Variants in TSC22D2 observed in about 807,000 individuals in gnomAD.
The protein encoded by TSC22D2 is TSC22 domain family protein 2.
A neutral mutation model predicts 50.1 loss-of-function variants in TSC22D2; 5 were observed. That is an observed-to-expected ratio of 0.10 (90% confidence interval 0.05 to 0.21). The LOEUF (loss-of-function observed/expected upper bound fraction) is 0.21. TSC22D2 is among the 10% of genes least tolerant of loss of function. TSC22D2 has a pLI of 1.00. For missense variants in TSC22D2, 1,003 were observed against 1,015.5 expected, an observed-to-expected ratio of 0.99 and a Z score of 0.17; for synonymous variants, 501 against 450.1, an observed-to-expected ratio of 1.11 and a Z score of -1.43.
intron 1 of TSC22D2, among the ~76,000 whole-genome samples, chr3:150,434,384 C>T (rs1417436532): frequency 1.3e-5 from 2 of 152,090 alleles, no homozygotes; most frequent in East Asian, 1.9e-4. Flanking sequence ...TCAAGTGATC[C>T]ACCCTGCCCT....
intron 1 of TSC22D2, among the ~76,000 whole-genome samples, chr3:150,441,312 A>G (rs972780335): frequency 6.6e-6 from 1 of 152,196 alleles, no homozygotes; most frequent in African/African-American, 2.4e-5. Flanking sequence ...AGTTAAAACT[A>G]AAGCTAATAC....
rs59588626 is a variant in TSC22D2 at position 150,462,639 on chromosome 3, C to CTTTTTTTTTTTTTTTT, written c.*4018_*4019insTTTTTTTTTTTTTTTT. 1 of 133,110 alleles carries CTTTTTTTTTTTTTTTT rather than the reference C, an allele frequency of 7.5e-6. No homozygotes were observed. Among genetic ancestry groups the CTTTTTTTTTTTTTTTT allele is most frequent in the Non-Finnish European group, 1.6e-5 (1 of 64,030 alleles). 8.2% of individuals were successfully genotyped at this position (133,110 alleles called of 1,614,324 possible). A position where few individuals can be genotyped will look rare whatever the true frequency, so the allele number is the denominator to read the frequency against. Reference sequence around the variant, plus strand: ...TGCCTATTTTCTTTTTTTCTTTTTTCTTTTTTTTTTTTTTTGAGACAGAGT... The same window carrying CTTTTTTTTTTTTTTTT: ...TGCCTATTTTCTTTTTTTCTTTTTTCTTTTTTTTTTTTTTTTTTTTTTTTTTTTTTTGAGACAGAGT... On this transcript the variant is annotated 3_prime_UTR_variant, in exon 3 of 3. Coordinates refer to ENST00000688009, the MANE Select transcript of TSC22D2 (RefSeq NM_001303264.2).
chr3:150,434,941 T>A (rs1161837681), intron 1 of TSC22D2, among the ~76,000 whole-genome samples: 1 of 152,162 alleles, frequency 6.6e-6, no homozygotes, highest in African/African-American at 2.4e-5. Context: ...AAGTTTCTTG[T>A]CATTGTGTGT....
intron 1 of TSC22D2, among the ~76,000 whole-genome samples, chr3:150,417,856 A>G (rs887429540): frequency 2.0e-5 from 3 of 152,126 alleles, no homozygotes; most frequent in Non-Finnish European, 4.4e-5. Context: ...GTTTTAGTCT[A>G]GACGAGTCAT....
At chr3:150,428,837 G>A (rs766732185) in intron 1 of TSC22D2, among the ~76,000 whole-genome samples, 3 of 152,148 alleles carry the variant, frequency 2.0e-5, no homozygotes, top group Non-Finnish European at 4.4e-5. Context: ...GCCTGAGCGA[G>A]CTTACTGAAA....
chr3:150,435,672 A>G (rs1720515763), intron 1 of TSC22D2, among the ~76,000 whole-genome samples: 1 of 152,208 alleles, frequency 6.6e-6, no homozygotes, highest in African/African-American at 2.4e-5. Context: ...TAAGATAAGC[A>G]CATTCATTAA....
intron 1 of TSC22D2, among the ~76,000 whole-genome samples, chr3:150,454,808 A>C (rs1576559121): frequency 6.6e-6 from 1 of 152,198 alleles, no homozygotes; most frequent in East Asian, 1.9e-4. Context: ...ATACATCTTC[A>C]TCATGATCTA....
intron 1 of TSC22D2, among the ~76,000 whole-genome samples, chr3:150,434,674 T>G (rs895233345): frequency 7.2e-5 from 11 of 152,192 alleles, no homozygotes; most frequent in African/African-American, 2.4e-4. Flanking sequence ...ATAGCCTGTC[T>G]TCTTAGAGCT....
intron 1 of TSC22D2, among the ~76,000 whole-genome samples, chr3:150,454,369 G>A (rs1415961012): frequency 6.6e-6 from 1 of 152,222 alleles, no homozygotes; most frequent in Non-Finnish European, 1.5e-5. Flanking sequence ...GAGGAAAACA[G>A]ACTGTATAAG....
chr3:150,453,910 ACTGT>A (rs776939125), intron 1 of TSC22D2, among the ~76,000 whole-genome samples: 36 of 151,938 alleles, frequency 2.4e-4, no homozygotes, highest in Admixed American at 5.2e-4. Context: ...CAAAGTAATC[ACTGT>A]CTGTATTGAG....
intron 1 of TSC22D2, among the ~76,000 whole-genome samples, chr3:150,445,176 A>G (rs913506479): frequency 2.6e-5 from 4 of 151,864 alleles, no homozygotes; most frequent in Non-Finnish European, 4.4e-5. Flanking sequence ...GAATGTTATT[A>G]ATGTCCAGTC....
chr3:150,425,281 T>C (rs1226743402), intron 1 of TSC22D2, among the ~76,000 whole-genome samples: 1 of 152,084 alleles, frequency 6.6e-6, no homozygotes, highest in Non-Finnish European at 1.5e-5. Context: ...TCCCAGCACT[T>C]TGGGAGGCTG....
intron 1 of TSC22D2, among the ~76,000 whole-genome samples, chr3:150,449,976 CT>C (rs1379382738): frequency 1.1e-4 from 16 of 151,260 alleles, no homozygotes; most frequent in Non-Finnish European, 1.9e-4. Context: ...GACTTTTTAA[CT>C]TTAAAAAAAA....
intron 1 of TSC22D2, among the ~76,000 whole-genome samples, chr3:150,446,728 A>T (rs1466617957): frequency 6.6e-6 from 1 of 152,036 alleles, no homozygotes; most frequent in East Asian, 1.9e-4. Context: ...AAACCCCATG[A>T]TATTCTTCTG....
At chr3:150,458,253 C>A in intron 2 of TSC22D2, 123 bp from the exon 3 acceptor site, 1 of 1,039,430 alleles carries the variant, frequency 9.6e-7, no homozygotes, top group South Asian at 1.7e-5. Flanking sequence ...CAAGATAAAG[C>A]AGAAACATTA....
At chr3:150,415,913 C>CT (rs1465201297) in intron 1 of TSC22D2, among the ~76,000 whole-genome samples, 1 of 152,220 alleles carries the variant, frequency 6.6e-6, no homozygotes, top group Non-Finnish European at 1.5e-5. Context: ...GAATGGGAGT[C>CT]TATCTTTCTC....
chr3:150,430,957 A>G (rs1006269906), intron 1 of TSC22D2, among the ~76,000 whole-genome samples: 35 of 152,172 alleles, frequency 2.3e-4, no homozygotes, highest in Admixed American at 5.2e-4. Flanking sequence ...AAAGAACTCA[A>G]TCTTCTTACC....
At chr3:150,458,263 A>T in intron 2 of TSC22D2, 113 bp from the exon 3 acceptor site, 2 of 1,144,602 alleles carry the variant, frequency 1.7e-6, no homozygotes, top group Non-Finnish European at 2.5e-6. Flanking sequence ...CAGAAACATT[A>T]AAAGCAAGAG....
In TSC22D2 at chr3:150,409,381, T is replaced by C; in HGVS notation, c.31T>C (p.Cys11Arg). ...CAAGATGCCGGCCAAGAAGAAGAGC[T>C]GCTTCCAGATCACCAGTGTCACCAC... MSKMPAKKKS[C>R]FQITSVTTAQ... The change falls in exon 1 of 3, where the codon TGC becomes CGC. Residue 11 changes from cysteine to arginine, a missense_variant. By Grantham distance (180) the Cys-to-Arg change is radical (BLOSUM62 -3). Transcript: ENST00000688009. This position sits in a 1 kb window ranked among gnomAD's most constrained non-coding sequence, Gnocchi z 7.4. 1 of 1,606,952 alleles carries C rather than the reference T, an allele frequency of 6.2e-7. No individual in the cohort carries two copies. Among genetic ancestry groups the C allele is most frequent in the Non-Finnish European group, 8.5e-7 (1 of 1,174,790 alleles).
Sources: gnomAD v4.1 joint callset for allele counts (sites outside exome capture counted in the v4.1 genomes callset) on GRCh38, gnomAD v4.1.1 for gene constraint, Gnocchi (gnomAD v3.1) non-coding constraint, MANE v1.5 for transcripts, NCBI Gene and HGNC (gene_info 2026-07-23, HGNC 2026-07-21) for gene names.